CLYBL: variants seen among roughly 807,000 people sequenced by gnomAD.
CLYBL encodes the protein citramalyl-CoA lyase, also known as citramalyl-CoA lyase, mitochondrial.
Under a neutral mutation model 38.9 loss-of-function variants are expected in CLYBL, and 31 were observed. The ratio of observed to expected loss-of-function variants is 0.80; its 90% confidence interval spans 0.60 to 1.08. The LOEUF (loss-of-function observed/expected upper bound fraction) is 1.08. Ranked by LOEUF, CLYBL falls within the 50% of genes least tolerant of loss-of-function variation. The pLI, the probability that CLYBL is intolerant of heterozygous loss-of-function variation, is 0.00. For synonymous variants in CLYBL, 171 were observed against 158.6 expected, an observed-to-expected ratio of 1.08 and a Z score of -0.59; for missense variants, 434 against 411.6, an observed-to-expected ratio of 1.05 and a Z score of -0.47.
intron 1 of CLYBL, among the ~76,000 whole-genome samples, chr13:99,736,038 CTTTTTTTTT>C (rs767129851): frequency 1.3e-5 from 1 of 76,198 alleles, no homozygotes; most frequent in Admixed American, 1.9e-4. Flanking sequence ...CGTTTCTTTT[CTTTTTTTTT>C]TTTTTTTTTT....
chr13:99,609,411 G>A (rs1455215829), intron 1 of CLYBL, among the ~76,000 whole-genome samples: 5 of 152,002 alleles, frequency 3.3e-5, no homozygotes, highest in Non-Finnish European at 5.9e-5. Context: ...TTCTGACCTC[G>A]TGATCCACCT....
chr13:99,730,732 C>T (rs555645628), intron 1 of CLYBL, among the ~76,000 whole-genome samples: 1 of 152,260 alleles, frequency 6.6e-6, no homozygotes, highest in Admixed American at 6.5e-5. Flanking sequence ...GCCCCAGAGG[C>T]AGTGCCGACC....
intron 1 of CLYBL, among the ~76,000 whole-genome samples, chr13:99,770,383 T>TC (rs1419476331): frequency 6.6e-6 from 1 of 152,198 alleles, no homozygotes; most frequent in Non-Finnish European, 1.5e-5. Context: ...AGTGGCGCAA[T>TC]CTTGGCTCAC....
intron 2 of CLYBL, among the ~76,000 whole-genome samples, chr13:99,793,564 A>T (rs1459912860): frequency 6.6e-6 from 1 of 152,198 alleles, no homozygotes; most frequent in Non-Finnish European, 1.5e-5. Flanking sequence ...CCCCTTTTGA[A>T]CAGTAATTGT....
At chr13:99,794,996 G>A (rs2049993426) in intron 2 of CLYBL, among the ~76,000 whole-genome samples, 1 of 152,166 alleles carries the variant, frequency 6.6e-6, no homozygotes, top group African/African-American at 2.4e-5. Context: ...CTTTTGCCAT[G>A]TATTTTTAAA....
intron 9 of CLYBL, among the ~76,000 whole-genome samples, chr13:99,906,133 A>G (rs1326447637): frequency 6.6e-6 from 1 of 152,160 alleles, no homozygotes; most frequent in Non-Finnish European, 1.5e-5. Flanking sequence ...CCATTTGGTT[A>G]TTTCACTTTG....
intron 1 of CLYBL, among the ~76,000 whole-genome samples, chr13:99,650,427 AAG>A (rs1491423778): frequency 6.6e-6 from 1 of 152,192 alleles, no homozygotes; most frequent in Non-Finnish European, 1.5e-5. Flanking sequence ...GTCTCAAAAA[AAG>A]AAGTTTTCAA....
chr13:99,786,868 G>A (rs1490371009), intron 2 of CLYBL, among the ~76,000 whole-genome samples: 1 of 151,990 alleles, frequency 6.6e-6, no homozygotes, highest in Non-Finnish European at 1.5e-5. Context: ...TCCAGCACCT[G>A]TTGTTTCCTG....
chr13:99,731,533 C>T (rs2048590831), intron 1 of CLYBL, among the ~76,000 whole-genome samples: 1 of 150,352 alleles, frequency 6.7e-6, no homozygotes, highest in East Asian at 1.9e-4. Flanking sequence ...AAGAATGCCT[C>T]AAAGCATTGA....
In CLYBL at chr13:99,859,023, G is replaced by C; in HGVS notation, c.412G>C (p.Val138Leu). Residue 138 changes from valine (V) to leucine (L), a missense_variant, in exon 3 of 9, where the codon GTG (valine) becomes CTG (leucine). Physicochemically the swap from Val to Leu is conservative, Grantham distance 32 (BLOSUM62 1). Coordinates refer to ENST00000339105, the MANE Select transcript of CLYBL (RefSeq NM_206808.5). ...TCCTTCCAGCCTGATGCTACCAAAG[G>C]TGGAAAGTCCTGAAGAAATCCAGTG... ...VLPSSLMLPKVESPEEIQWFA... is the reference protein window; with the variant it reads ...VLPSSLMLPKLESPEEIQWFA... The C allele has an allele frequency of 6.2e-7, 1 of 1,613,704 alleles. No homozygotes were observed. Among genetic ancestry groups the C allele is most frequent in the Non-Finnish European group, 8.5e-7 (1 of 1,179,896 alleles).
At chr13:99,895,792 G>A (rs1329370025), downstream of CLYBL, 31 of 152,262 alleles carry the variant, frequency 2.0e-4, no homozygotes, top group Admixed American at 2.0e-3. Flanking sequence ...CCCGGGCGGC[G>A]GCGGCCACTC....
At chr13:99,845,211 GC>G (rs2051172295) in intron 2 of CLYBL, among the ~76,000 whole-genome samples, 1 of 152,148 alleles carries the variant, frequency 6.6e-6, no homozygotes, top group Admixed American at 6.5e-5. Flanking sequence ...GTTTAGAGAA[GC>G]CGTTGAACGT....
intron 1 of CLYBL, among the ~76,000 whole-genome samples, chr13:99,608,812 G>C (rs1459743350): frequency 7.4e-6 from 1 of 134,806 alleles, no homozygotes; most frequent in Non-Finnish European, 1.5e-5. Context: ...GAATTCAGAC[G>C]TTAATGTTAT....
At chr13:99,662,299 A>T (rs928353227) in intron 1 of CLYBL, among the ~76,000 whole-genome samples, 7 of 152,182 alleles carry the variant, frequency 4.6e-5, no homozygotes, top group Non-Finnish European at 7.3e-5. Flanking sequence ...ATTATTTTTT[A>T]AAAATCTGAC....
chr13:99,904,041 C>A (rs779224011), intron 8 of CLYBL, among the ~76,000 whole-genome samples: 4 of 142,416 alleles, frequency 2.8e-5, no homozygotes, highest in Non-Finnish European at 6.0e-5. Flanking sequence ...TGAGACCCCT[C>A]TCTTAAAAAA....
chr13:99,843,602 A>ATTTTTT (rs1196539167), intron 2 of CLYBL, among the ~76,000 whole-genome samples: 1,200 of 73,560 alleles, frequency 0.016, 16 homozygotes, highest in African/African-American at 0.054. Flanking sequence ...GGAAAAATTA[A>ATTTTTT]TCTTTTTTTT....
chr13:99,888,701 G>A (rs1924107), intron 7 of CLYBL, among the ~76,000 whole-genome samples: 90,081 of 152,012 alleles, frequency 0.59, 27,208 homozygotes, highest in African/African-American at 0.67. Flanking sequence ...GTGAGCCGAG[G>A]TAACACCACT....
At chr13:99,831,076 A>T (rs1158016649) in intron 2 of CLYBL, among the ~76,000 whole-genome samples, 2 of 152,184 alleles carry the variant, frequency 1.3e-5, no homozygotes, top group African/African-American at 4.8e-5. Context: ...AGAAGGGCAC[A>T]TGAAGGAAGA....
intron 1 of CLYBL, among the ~76,000 whole-genome samples, chr13:99,688,118 A>G (rs1381492194): frequency 6.6e-6 from 1 of 152,226 alleles, no homozygotes; most frequent in Non-Finnish European, 1.5e-5. Flanking sequence ...GAGTTGCTTT[A>G]AAGTAAAATT....
Sources: gnomAD v4.1 joint callset for allele counts (sites outside exome capture counted in the v4.1 genomes callset) on GRCh38, gnomAD v4.1.1 for gene constraint, MANE v1.5 for transcripts, NCBI Gene and HGNC (gene_info 2026-07-23, HGNC 2026-07-21) for gene names.